FAAH2: variants seen among roughly 807,000 people sequenced by gnomAD.
FAAH2 encodes fatty acid amide hydrolase 2, also known as fatty-acid amide hydrolase 2.
A neutral mutation model predicts 36.9 loss-of-function variants in FAAH2; 60 were observed. The observed-to-expected ratio is 1.63, with a 90% CI of 1.32 to 2.02. The LOEUF (loss-of-function observed/expected upper bound fraction) is 2.02. FAAH2 is among the 30% of genes most tolerant of loss of function. The pLI is 0.00. For missense variants in FAAH2, 689 were observed against 397.5 expected (o/e 1.73, Z -6.23); for synonymous variants, 214 against 143.8 (o/e 1.49, Z -3.49).
chrX:57,375,306 C>A (rs1005980926), intron 5 of FAAH2, among the ~76,000 whole-genome samples: 10 of 93,610 alleles, frequency 1.1e-4, no homozygotes, highest in Non-Finnish European at 1.7e-4. Context: ...GGTACCAATT[C>A]TTTGAATGTC....
chrX:57,374,651 C>T (rs1055239491), intron 5 of FAAH2, among the ~76,000 whole-genome samples: 1 of 111,526 alleles, frequency 9.0e-6, no homozygotes, highest in African/African-American at 3.3e-5. Context: ...ATATCTTCAG[C>T]AAACAGTGAC....
chrX:57,169,504 A>G, the FAAH2 span, among the ~76,000 whole-genome samples: 2 of 389 alleles, frequency 5.1e-3, no homozygotes, highest in East Asian at 0.1. Flanking sequence ...CAGTATATAT[A>G]TATATATATA....
At chrX:57,446,860 A>G (rs1159859427) in intron 8 of FAAH2, 68 bp from the exon 9 acceptor site, 1 of 693,329 alleles carries the variant, frequency 1.4e-6, no homozygotes, top group Non-Finnish European at 2.2e-6. Context: ...TAAGTCTTGT[A>G]TAGGTGTTTT....
intron 10 of FAAH2, among the ~76,000 whole-genome samples, chrX:57,483,361 G>A (rs1482292025): frequency 9.0e-6 from 1 of 110,935 alleles, no homozygotes; most frequent in Non-Finnish European, 1.9e-5. Flanking sequence ...ATTTCCAGAA[G>A]TCCTGTTTGA....
chrX:57,219,863 CTT>C, the FAAH2 span, among the ~76,000 whole-genome samples: 610 of 35,514 alleles, frequency 0.017, 2 homozygotes, highest in African/African-American at 0.068. Context: ...AGCGCCTTGT[CTT>C]TTTTTTTTTT....
chrX:57,457,237 T>C (rs2056878023), intron 10 of FAAH2, among the ~76,000 whole-genome samples: 1 of 111,647 alleles, frequency 9.0e-6, no homozygotes, highest in Non-Finnish European at 1.9e-5. Flanking sequence ...AAGCCTATAA[T>C]ATAATCCAAC....
chrX:57,308,622 A>G (rs2052608372), intron 2 of FAAH2, among the ~76,000 whole-genome samples: 1 of 111,914 alleles, frequency 8.9e-6, no homozygotes, highest in South Asian at 3.7e-4. Flanking sequence ...AACTGACTGT[A>G]CAATATTTAA....
chrX:57,461,129 AG>A (rs1232537526), intron 10 of FAAH2, among the ~76,000 whole-genome samples: 15 of 89,950 alleles, frequency 1.7e-4, no homozygotes, highest in African/African-American at 4.8e-4. Flanking sequence ...CACCCAATAC[AG>A]GAGCACCAGA....
chrX:57,179,693 A>C, the FAAH2 span, among the ~76,000 whole-genome samples: 1 of 111,717 alleles, frequency 9.0e-6, no homozygotes, highest in African/African-American at 3.3e-5. Flanking sequence ...ACCCACTGAC[A>C]GTATTAGACA....
intron 2 of FAAH2, among the ~76,000 whole-genome samples, chrX:57,296,604 A>G (rs1286734270): frequency 8.9e-6 from 1 of 112,133 alleles, no homozygotes; most frequent in Admixed American, 9.5e-5. Flanking sequence ...CTGGATGGAG[A>G]ATGACTTTCA....
chrX:57,429,422 C>G (rs972498984), intron 7 of FAAH2, among the ~76,000 whole-genome samples: 1 of 108,871 alleles, frequency 9.2e-6, no homozygotes, highest in Non-Finnish European at 1.9e-5. Context: ...AAATGGCCAA[C>G]AAACACATAA....
intron 5 of FAAH2, among the ~76,000 whole-genome samples, chrX:57,354,324 G>A (rs1019437776): frequency 1.3e-4 from 14 of 110,761 alleles, no homozygotes; most frequent in Admixed American, 1.9e-4. Context: ...AAACATGCCC[G>A]TTACAGAAAG....
chrX:57,316,331 C>T (rs759741086), intron 3 of FAAH2, among the ~76,000 whole-genome samples: 1 of 111,697 alleles, frequency 9.0e-6, no homozygotes, highest in East Asian at 2.8e-4. Context: ...TAACGCTATT[C>T]CTACCAAACT....
the FAAH2 span, among the ~76,000 whole-genome samples, chrX:57,210,166 C>T: frequency 9.0e-6 from 1 of 111,095 alleles, no homozygotes; most frequent in Non-Finnish European, 1.9e-5. Flanking sequence ...CTTATGAAGG[C>T]ACTTTCATTT....
At chrX:57,362,617 G>A (rs1428695246) in intron 5 of FAAH2, among the ~76,000 whole-genome samples, 1 of 111,432 alleles carries the variant, frequency 9.0e-6, no homozygotes, top group Non-Finnish European at 1.9e-5. Flanking sequence ...TGTCCTACTT[G>A]TCAAATTTTG....
chrX:57,185,286 A>T, the FAAH2 span, among the ~76,000 whole-genome samples: 4 of 110,759 alleles, frequency 3.6e-5, no homozygotes, highest in African/African-American at 1.3e-4. Context: ...TATCTCAATG[A>T]ATTCAACTGT....
At chrX:57,468,440 C>A (rs368544803) in intron 10 of FAAH2, among the ~76,000 whole-genome samples, 5 of 111,999 alleles carry the variant, frequency 4.5e-5, no homozygotes, top group Admixed American at 1.9e-4. Flanking sequence ...ATGAGAATGA[C>A]GTGATGAATG....
At chrX:57,483,639 A>T (rs1353997487) in intron 10 of FAAH2, among the ~76,000 whole-genome samples, 1 of 110,036 alleles carries the variant, frequency 9.1e-6, no homozygotes, top group Non-Finnish European at 1.9e-5. Context: ...AGGTATTGTC[A>T]CTTACTTTTG....
At chrX:57,135,928 T>C in the FAAH2 span, 1 of 1,210,349 alleles carries the variant, frequency 8.3e-7, no homozygotes, top group East Asian at 3.0e-5. Context: ...ATGCCGATCC[T>C]TTTGGAGCCA....
Sources: gnomAD v4.1 joint callset for allele counts (sites outside exome capture counted in the v4.1 genomes callset) on GRCh38, gnomAD v4.1.1 for gene constraint, MANE v1.5 for transcripts, NCBI Gene and HGNC (gene_info 2026-07-23, HGNC 2026-07-21) for gene names.